The following UFL1 variants were observed in gnomAD, a reference collection of about 807,000 sequenced individuals.
UFL1 encodes UFM1 specific ligase 1.
A neutral mutation model predicts 99.3 loss-of-function variants in UFL1; 78 were observed. The observed-to-expected ratio is 0.79, with a 90% CI of 0.65 to 0.95. The LOEUF (loss-of-function observed/expected upper bound fraction) is 0.95, where lower values mean the gene tolerates loss of function less well. Ranked by LOEUF, UFL1 falls within the 40% of genes least tolerant of loss-of-function variation. UFL1 has a pLI of 0.00. For missense variants in UFL1, 936 were observed against 937.0 expected (o/e 1.00, Z 0.01); for synonymous variants, 335 against 322.2 (o/e 1.04, Z -0.42).
intron 2 of UFL1, among the ~76,000 whole-genome samples, chr6:96,524,096 G>A (rs942767909): frequency 1.3e-5 from 2 of 151,698 alleles, no homozygotes; most frequent in African/African-American, 4.8e-5. Context: ...ATTGTGAAGG[G>A]AAATGAATAC....
intron 12 of UFL1, among the ~76,000 whole-genome samples, chr6:96,547,679 C>T (rs535996412): frequency 6.6e-6 from 1 of 151,610 alleles, no homozygotes; most frequent in Admixed American, 6.6e-5. Flanking sequence ...GTGGTTGGAA[C>T]TTGAGGCCAT....
Position 96,536,406 on chromosome 6 carries a change from C to G in UFL1, c.802+16C>G. 1 of 1,584,592 alleles carries G rather than the reference C, an allele frequency of 6.3e-7. No homozygotes were observed. The highest frequency in any genetic ancestry group is 8.6e-7 in the Non-Finnish European group (1 of 1,161,024). The stretch of plus-strand genomic sequence containing the variant: ...GGCTATCTAGGTAACTTTCTTATTT[C>G]TTTAAAACTAAAATTTATTTTTAAC... On this transcript the variant is annotated intron_variant, in intron 8 of 18. Transcript: ENST00000369278.
intron 12 of UFL1, among the ~76,000 whole-genome samples, chr6:96,546,137 G>C (rs2127952762): frequency 6.6e-6 from 1 of 151,266 alleles, no homozygotes; most frequent in African/African-American, 2.4e-5. Context: ...CTCCTCCAAA[G>C]ACTCCTGGTC....
At chr6:96,524,505 T>C in intron 3 of UFL1, 95 bp downstream of exon 3, 1 of 938,060 alleles carries the variant, frequency 1.1e-6, no homozygotes, top group Non-Finnish European at 1.5e-6. Flanking sequence ...TATCATATTT[T>C]GTGTAGTGTT....
intron 2 of UFL1, 105 bp downstream of exon 2, chr6:96,523,396 A>G: frequency 8.2e-7 from 1 of 1,223,820 alleles, no homozygotes; most frequent in South Asian, 1.9e-5. Context: ...TATAGATTGT[A>G]AGATATCGTT....
rs752178674 is a variant in UFL1 at position 96,538,803 on chromosome 6, C to T, written c.1151C>T (p.Ala384Val). The T allele has an allele frequency of 6.3e-7, 1 of 1,596,440 alleles. No individual in the cohort carries two copies. Among genetic ancestry groups the T allele is most frequent in the Non-Finnish European group, 8.6e-7 (1 of 1,169,374 alleles). The change falls in exon 10 of 19, where the codon GCT (alanine) becomes GTT (valine). Residue 384 changes from alanine to valine, a missense_variant. Ala to Val is a moderately conservative substitution (Grantham distance 64). Transcript: ENST00000369278. The stretch of plus-strand genomic sequence containing the variant: ...TTCCGTGAGCTGATGCACCAGAAAG[C>T]TGAAAAGGTATTCCAGATTTCCTTT... ...ELFRELMHQKAEKEMKNNPVH... is the reference protein window; with the variant it reads ...ELFRELMHQKVEKEMKNNPVH...
At chr6:96,550,080 A>C (rs1770056387) in intron 15 of UFL1, among the ~76,000 whole-genome samples, 1 of 151,910 alleles carries the variant, frequency 6.6e-6, no homozygotes, top group African/African-American at 2.4e-5. Flanking sequence ...AATGACTGGC[A>C]AATCCCATAA....
chr6:96,553,257 T>C (rs111864529), intron 18 of UFL1, 28 bp from the exon 19 acceptor site: 1 of 1,591,758 alleles, frequency 6.3e-7, no homozygotes, highest in South Asian at 1.1e-5. Flanking sequence ...TAAATTGTGT[T>C]GATTAACTTT....
At chr6:96,527,980 G>A (rs534810900) in intron 5 of UFL1, among the ~76,000 whole-genome samples, 14 of 152,278 alleles carry the variant, frequency 9.2e-5, no homozygotes, top group African/African-American at 3.4e-4. Context: ...CAAGAAGTCA[G>A]ATTATCTGCC....
At position 96,551,818 on chromosome 6, in the gene UFL1, G is replaced by T. The variant is rs1441632207; in HGVS notation, c.1900-20G>T. On this transcript the variant is annotated intron_variant, in intron 16 of 18. Transcript: ENST00000369278. Reference sequence around the variant, plus strand: ...GCAGTTATATATAAAAGTAAATTATGGTATTCAATGCCTTTTCAGAGCATA... The same window carrying T: ...GCAGTTATATATAAAAGTAAATTATTGTATTCAATGCCTTTTCAGAGCATA... 4.0e-6 allele frequency: 6 copies of T among 1,492,992 alleles called. No individual in the cohort carries two copies. The highest frequency in any genetic ancestry group is 3.6e-4 in the Middle Eastern group (2 of 5,614). The allele number at this position is 1,492,992 out of a possible 1,614,324, so 92.5% of individuals were successfully genotyped here.
At chr6:96,530,457 C>T (rs1769767939) in intron 6 of UFL1, among the ~76,000 whole-genome samples, 1 of 152,094 alleles carries the variant, frequency 6.6e-6, no homozygotes, top group South Asian at 2.1e-4. Context: ...TACTTGTTTT[C>T]CTTTGTAACT....
In UFL1 at chr6:96,552,462, G is replaced by C. The variant is rs749792596; in HGVS notation, c.1986-20G>C. ...TCTTAAATTATGATAATGAATTTGT[G>C]TGCTTTTTTTTTTTTTTAGACAGAT... On this transcript the variant is annotated intron_variant, in intron 17 of 18. Coordinates refer to ENST00000369278, the MANE Select transcript of UFL1 (RefSeq NM_015323.5). 172 of 1,495,832 alleles carry C rather than the reference G, an allele frequency of 1.1e-4. No individual in the cohort carries two copies. Among genetic ancestry groups the C allele is most frequent in the Non-Finnish European group, 1.5e-4 (166 of 1,118,216 alleles). The allele number at this position is 1,495,832 out of a possible 1,614,324, so 92.7% of individuals were successfully genotyped here.
chr6:96,548,049 A>G (rs772213017), intron 12 of UFL1, 115 bp from the exon 13 acceptor site: 5 of 666,588 alleles, frequency 7.5e-6, no homozygotes, highest in Non-Finnish European at 1.0e-5. Flanking sequence ...GACATTAACA[A>G]TTGAGTAATG....
rs1416996322 is a variant in UFL1 at position 96,525,411 on chromosome 6, A to G, written c.350+17A>G. ...GATAGATGAGTAAGTACAATAAAGT[A>G]CAAATTTAAGAGCACTTTGTTTATT... On this transcript the variant is annotated intron_variant, in intron 4 of 18. Coordinates refer to ENST00000369278, the MANE Select transcript of UFL1 (RefSeq NM_015323.5). The G allele has an allele frequency of 1.3e-6, 2 of 1,554,338 alleles. No homozygotes were observed. Among genetic ancestry groups the G allele is most frequent in the East Asian group, 2.3e-5 (1 of 43,662 alleles).
intron 13 of UFL1, 56 bp from the exon 14 acceptor site, chr6:96,549,351 CCTTAT>C: frequency 7.7e-7 from 1 of 1,294,144 alleles, no homozygotes. Context: ...AAACAAAATT[CCTTAT>C]CTATATAAAT....
chr6:96,553,456 A>G lies in UFL1; in HGVS notation c.2338A>G (p.Lys780Glu). 1 of 1,613,756 alleles carries G rather than the reference A, an allele frequency of 6.2e-7. No homozygotes were observed. Among genetic ancestry groups the G allele is most frequent in the South Asian group, 1.1e-5 (1 of 91,064 alleles). The part of the protein sequence containing the change: ...KELQELSSSI[K>E]DLVLKSRKSS... ...GCTTCAAGAACTTTCTTCATCCATT[A>G]AAGACCTTGTTCTCAAATCTAGGAA... The change falls in exon 19 of 19, where the codon AAA becomes GAA. Residue 780 changes from lysine to glutamate, a missense_variant. Coordinates refer to ENST00000369278, the MANE Select transcript of UFL1 (RefSeq NM_015323.5).
chr6:96,552,966 C>T (rs908753949), intron 18 of UFL1, among the ~76,000 whole-genome samples: 1 of 152,098 alleles, frequency 6.6e-6, no homozygotes, highest in African/African-American at 2.4e-5. Flanking sequence ...AAGTCTTGTC[C>T]TATCCCTTTT....
At chr6:96,527,160 A>G (rs1050410414) in intron 5 of UFL1, among the ~76,000 whole-genome samples, 5 of 152,100 alleles carry the variant, frequency 3.3e-5, no homozygotes, top group African/African-American at 1.2e-4. Flanking sequence ...TTTTAGAATC[A>G]TAGAAATTCA....
Position 96,526,376 on chromosome 6 carries a change from C to G in UFL1, c.406C>G (p.Gln136Glu). 1 of 1,613,560 alleles carries G rather than the reference C, an allele frequency of 6.2e-7. No homozygotes were observed. Among genetic ancestry groups the G allele is most frequent in the Non-Finnish European group, 8.5e-7 (1 of 1,179,780 alleles). ...EVNDKLQESG[Q>E]VTISELCKTY... ...CAATGATAAATTGCAAGAAAGTGGT[C>G]AGGTCACCATATCAGAACTGTGTAA... Residue 136 changes from glutamine (Q) to glutamate (E), a missense_variant, in exon 5 of 19, where the codon CAG (glutamine) becomes GAG (glutamate). By Grantham distance (29) the Gln-to-Glu change is conservative. Coordinates refer to ENST00000369278, the MANE Select transcript of UFL1 (RefSeq NM_015323.5).
Sources: gnomAD v4.1 joint callset for allele counts (sites outside exome capture counted in the v4.1 genomes callset) on GRCh38, gnomAD v4.1.1 for gene constraint, MANE v1.5 for transcripts, NCBI Gene and HGNC (gene_info 2026-07-23, HGNC 2026-07-21) for gene names.